FIGNL2: variants seen among roughly 807,000 people sequenced by gnomAD.
The protein encoded by FIGNL2 is fidgetin-like protein 2.
For synonymous variants in FIGNL2, 565 were observed against 484.0 expected (o/e 1.17, Z -2.20); for missense variants, 1,060 against 950.2 (o/e 1.12, Z -1.52).
chr12:51,830,288 CAA>C (rs554525207), intron 1 of FIGNL2, among the ~76,000 whole-genome samples: 2 of 130,776 alleles, frequency 1.5e-5, no homozygotes. Context: ...GTCTCCATCT[CAA>C]AAAAAAAAAG....
rs1330896170 is a variant in FIGNL2 at position 51,821,483 on chromosome 12, C to T, written c.931G>A (p.Ala311Thr). 1.3e-6 allele frequency: 2 copies of T among 1,550,718 alleles called. No individual in the cohort carries two copies. Among genetic ancestry groups the T allele is most frequent in the Non-Finnish European group, 8.7e-7 (1 of 1,154,862 alleles). ...TCCTCCGCGGCTCCTGGCGGCTTGGCCCGGAACCCGTTGCCCCGACATTCG... is the reference window on the plus strand; with the variant it reads ...TCCTCCGCGGCTCCTGGCGGCTTGGTCCGGAACCCGTTGCCCCGACATTCG... ...NGECRGNGFR[A>T]KPPGAAEEAS... The change falls in exon 2 of 2, where the codon GCC becomes ACC. Residue 311 changes from alanine to threonine, a missense_variant. Transcript: ENST00000618634.
chr12:51,846,862 C>T (rs1050207122), intron 1 of FIGNL2, among the ~76,000 whole-genome samples: 1 of 152,188 alleles, frequency 6.6e-6, no homozygotes, highest in Non-Finnish European at 1.5e-5. Flanking sequence ...AGCGAGGACA[C>T]GAGGGTCGCT....
At chr12:51,842,080 A>G (rs1004954380) in intron 1 of FIGNL2, 4 of 151,942 alleles carry the variant, frequency 2.6e-5, no homozygotes, top group Non-Finnish European at 5.9e-5. Context: ...TTCTTCTCTG[A>G]TATCTAATGA....
intron 1 of FIGNL2, 83 bp downstream of exon 1, chr12:51,848,457 C>G (rs1939799200): frequency 2.0e-6 from 2 of 981,404 alleles, no homozygotes; most frequent in African/African-American, 1.8e-5. Context: ...TCTCCGGCCC[C>G]GGGCCGGCGG....
chr12:51,839,666 G>C (rs1310815874), intron 1 of FIGNL2, among the ~76,000 whole-genome samples: 1 of 152,198 alleles, frequency 6.6e-6, no homozygotes, highest in Non-Finnish European at 1.5e-5. Context: ...CATTCTCTCT[G>C]AGGCTGTTCC....
At chr12:51,838,030 TC>T (rs1333884681) in intron 1 of FIGNL2, 1 of 152,208 alleles carries the variant, frequency 6.6e-6, no homozygotes, top group Non-Finnish European at 1.5e-5. Flanking sequence ...TCCTTCTCCT[TC>T]CCACCTGCTC....
intron 1 of FIGNL2, among the ~76,000 whole-genome samples, chr12:51,822,968 C>T (rs1432750177): frequency 2.0e-5 from 3 of 152,270 alleles, no homozygotes; most frequent in East Asian, 1.9e-4. Flanking sequence ...CTGTTCACCT[C>T]AGCCCTTCCT....
chr12:51,834,238 G>A lies in FIGNL2; in HGVS notation c.-11-11814C>T, dbSNP rs561981910. Among the ~76,000 whole-genome samples the A allele has an allele frequency of 1.4e-4, 22 of 152,058 alleles. No homozygotes were observed. The South Asian group carries it at 2.1e-3, about 14-fold the overall frequency. ...ACATGTGATGGTGAGGGTGGCAAGG[G>A]GTGAAGCCAGGGGCTCACCTCAGGA... On this transcript the variant is annotated intron_variant, in intron 1 of 1. Coordinates refer to ENST00000618634, the MANE Select transcript of FIGNL2 (RefSeq NM_001384995.1).
intron 1 of FIGNL2, chr12:51,848,098 G>C: frequency 1.1e-6 from 1 of 933,738 alleles, no homozygotes; most frequent in Non-Finnish European, 1.3e-6. Flanking sequence ...CACACACACA[G>C]GGGCCGCTGG....
In FIGNL2 at chr12:51,820,934, C is replaced by T; in HGVS notation, c.1480G>A (p.Glu494Lys). Reference protein sequence around the residue: ...PPSVLLISELEALLPARDDGA... With the variant: ...PPSVLLISELKALLPARDDGA... ...TCGTCCCGGGCGGGGAGCAGCGCCT[C>T]TAGCTCGCTGATGAGGAGTACGGAG... is the stretch of plus-strand genomic sequence containing the variant. The change falls in exon 2 of 2, where the codon GAG (glutamate) becomes AAG (lysine). Residue 494 changes from glutamate to lysine, a missense_variant. By Grantham distance (56) the Glu-to-Lys change is moderately conservative. Coordinates refer to ENST00000618634, the MANE Select transcript of FIGNL2 (RefSeq NM_001384995.1). The T allele has an allele frequency of 7.6e-7, 1 of 1,310,338 alleles. No individual in the cohort carries two copies. Among genetic ancestry groups the T allele is most frequent in the Non-Finnish European group, 9.6e-7 (1 of 1,037,914 alleles). The allele number at this position is 1,310,338 out of a possible 1,614,324, so 81.2% of individuals were successfully genotyped here.
chr12:51,836,768 C>T (rs1369401399), intron 1 of FIGNL2, among the ~76,000 whole-genome samples: 1 of 152,130 alleles, frequency 6.6e-6, no homozygotes, highest in African/African-American at 2.4e-5. Context: ...CCAGCTTGAC[C>T]AGGTAGGGAC....
intron 1 of FIGNL2, among the ~76,000 whole-genome samples, chr12:51,835,918 C>G (rs984873808): frequency 1.3e-5 from 2 of 151,906 alleles, no homozygotes; most frequent in South Asian, 2.1e-4. Context: ...GTGATTGATT[C>G]TCCTGCCTCA....
intron 1 of FIGNL2, among the ~76,000 whole-genome samples, chr12:51,825,520 C>T (rs949297592): frequency 6.6e-6 from 1 of 152,174 alleles, no homozygotes; most frequent in Non-Finnish European, 1.5e-5. Context: ...ACCTCCAGTC[C>T]TCCACCCCAT....
chr12:51,848,297 G>T, intron 1 of FIGNL2: 7 of 984,832 alleles, frequency 7.1e-6, no homozygotes, highest in Non-Finnish European at 8.4e-6. Flanking sequence ...GCCCGTCGGC[G>T]GCCGGGCGGC....
chr12:51,848,684 C>A lies in FIGNL2; in HGVS notation c.-156G>T. On this transcript the variant is annotated 5_prime_UTR_variant, in exon 1 of 2. Coordinates refer to ENST00000618634, the MANE Select transcript of FIGNL2 (RefSeq NM_001384995.1). ...CACCATCCTGGAGCCGCTGCTGCTG[C>A]GGCTGCTGCGGCCGCCGCGGGCGGG... 1 of 333,310 alleles carries A rather than the reference C, an allele frequency of 3.0e-6. No individual in the cohort carries two copies. Among genetic ancestry groups the A allele is most frequent in the Non-Finnish European group, 4.3e-6 (1 of 233,834 alleles). The allele number at this position is 333,310 out of a possible 1,614,324, so 20.6% of individuals were successfully genotyped here.
chr12:51,847,164 T>TG, intron 1 of FIGNL2: 1 of 985,358 alleles, frequency 1.0e-6, no homozygotes, highest in Non-Finnish European at 1.2e-6. Context: ...GGTTCCGGAC[T>TG]GAGAGGCTCG....
At chr12:51,831,002 C>G (rs1198550861) in intron 1 of FIGNL2, among the ~76,000 whole-genome samples, 1 of 151,932 alleles carries the variant, frequency 6.6e-6, no homozygotes, top group East Asian at 1.9e-4. Flanking sequence ...CAGAGTTTCA[C>G]CAGGTTGTTC....
At chr12:51,828,046 C>G (rs1939380851) in intron 1 of FIGNL2, among the ~76,000 whole-genome samples, 1 of 152,160 alleles carries the variant, frequency 6.6e-6, no homozygotes, top group South Asian at 2.1e-4. Context: ...AGAGAATAGC[C>G]TGAGTCATTC....
chr12:51,828,885 CAAAT>C (rs537861260), intron 1 of FIGNL2, among the ~76,000 whole-genome samples: 43 of 152,360 alleles, frequency 2.8e-4, no homozygotes, highest in African/African-American at 4.6e-4. Context: ...ATTAGAAACA[CAAAT>C]AAATTTTTTA....
Sources: gnomAD v4.1 joint callset for allele counts (sites outside exome capture counted in the v4.1 genomes callset) on GRCh38, gnomAD v4.1.1 for gene constraint, MANE v1.5 for transcripts, NCBI Gene and HGNC (gene_info 2026-07-23, HGNC 2026-07-21) for gene names.